The following SYNE2 variants were observed in gnomAD, a reference collection of about 807,000 sequenced individuals.
SYNE2 encodes nesprin-2.
In SYNE2, 431 loss-of-function variants were observed where a neutral mutation model predicts 856.3. The observed-to-expected ratio is 0.50, with a 90% CI of 0.47 to 0.55. The LOEUF (loss-of-function observed/expected upper bound fraction) is 0.55, where lower values mean the gene tolerates loss of function less well. Ranked by LOEUF, SYNE2 falls within the 20% of genes least tolerant of loss-of-function variation. SYNE2 has a pLI of 0.00. For synonymous variants in SYNE2, 2,923 were observed against 2,872.3 expected, an observed-to-expected ratio of 1.02 and a Z score of -0.56; for missense variants, 8,129 against 8,023.2, an observed-to-expected ratio of 1.01 and a Z score of -0.50.
chr14:63,833,123 C>A (rs1255756553), intron 1 of SYNE2, among the ~76,000 whole-genome samples: 1 of 151,862 alleles, frequency 6.6e-6, no homozygotes, highest in Non-Finnish European at 1.5e-5. Context: ...ACAGAAAGAT[C>A]CCTGGATCCC....
At chr14:64,117,914 C>A (rs556389351) in intron 66 of SYNE2, among the ~76,000 whole-genome samples, 1 of 152,236 alleles carries the variant, frequency 6.6e-6, no homozygotes, top group South Asian at 2.1e-4. Context: ...TTTTATCACG[C>A]TACTCAGGTG....
At chr14:63,990,310 GATT>G in intron 19 of SYNE2, 98 bp from the exon 20 acceptor site, 1 of 1,188,852 alleles carries the variant, frequency 8.4e-7, no homozygotes, top group Non-Finnish European at 1.2e-6. Context: ...CCTGATTTTG[GATT>G]AATAATGAAC....
Position 64,213,000 on chromosome 14 carries a change from A to C in SYNE2, c.19051A>C (p.Thr6351Pro), listed in dbSNP as rs376955691. Residue 6351 changes from threonine (T) to proline (P), a missense_variant, in exon 105 of 116, where the codon ACT (threonine) becomes CCT (proline). Coordinates refer to ENST00000555002, the MANE Select transcript of SYNE2 (RefSeq NM_182914.3). ...GTTCCACCGGCGGCTCACCTCCTGC[A>C]CTCCGGTACGGGCACTGCTGCCTAG... ...SRFHRRLTSC[T>P]PGLEDEKEAS... The C allele has an allele frequency of 6.2e-6, 10 of 1,613,090 alleles. No homozygotes were observed. Among genetic ancestry groups the C allele is most frequent in the Non-Finnish European group, 7.6e-6 (9 of 1,179,912 alleles).
At chr14:63,958,067 C>T (rs889724410) in intron 8 of SYNE2, among the ~76,000 whole-genome samples, 3 of 152,054 alleles carry the variant, frequency 2.0e-5, no homozygotes, top group Admixed American at 2.0e-4. Context: ...AAAGCCTTTT[C>T]AGTTTTAGAA....
chr14:64,086,591 A>G (rs986057724), intron 57 of SYNE2, among the ~76,000 whole-genome samples: 1 of 152,166 alleles, frequency 6.6e-6, no homozygotes, highest in African/African-American at 2.4e-5. Flanking sequence ...TTGGAAGAGA[A>G]TTAACATCTC....
At position 63,954,782 on chromosome 14, in the gene SYNE2, C is replaced by T. The variant is rs759694907; in HGVS notation, c.654C>T (p.Ala218=). 2 of 1,613,838 alleles carry T rather than the reference C, an allele frequency of 1.2e-6. No individual in the cohort carries two copies. Among genetic ancestry groups the T allele is most frequent in the African/African-American group, 1.3e-5 (1 of 74,878 alleles). Residue 218 remains alanine (A), a synonymous_variant, in exon 8 of 116, where the codon GCC becomes GCT. Transcript: ENST00000555002. The stretch of plus-strand genomic sequence containing the variant: ...GGAGAAATGGGATGGCTTTTTTGGC[C>T]ATCATTCATGCCTTGCGACCAGACC... The part of the protein sequence containing the change: ...SSWRNGMAFL[A]IIHALRPDLI...
Position 64,024,329 on chromosome 14 carries a change from C to G in SYNE2, c.5710C>G (p.His1904Asp). ...VDSVLKHVKK[H>D]LPKAHVKELI... ...CAGCGTACTGAAGCATGTGAAGAAGCATCTGCCCAAAGCACATGTGAAGGA... is the reference window on the plus strand; with the variant it reads ...CAGCGTACTGAAGCATGTGAAGAAGGATCTGCCCAAAGCACATGTGAAGGA... Residue 1904 changes from histidine to aspartate, a missense_variant, in exon 39 of 116, where the codon CAT becomes GAT. Coordinates refer to ENST00000555002, the MANE Select transcript of SYNE2 (RefSeq NM_182914.3). 2 of 1,614,150 alleles carry G rather than the reference C, an allele frequency of 1.2e-6. No individual in the cohort carries two copies. The highest frequency in any genetic ancestry group is 1.7e-5 in the Admixed American group (1 of 60,026).
In SYNE2 at chr14:64,213,016, T is replaced by C. The variant is rs760966877; in HGVS notation, c.19056+11T>C. On this transcript the variant is annotated intron_variant, in intron 105 of 115. Coordinates refer to ENST00000555002, the MANE Select transcript of SYNE2 (RefSeq NM_182914.3). ...ACCTCCTGCACTCCGGTACGGGCAC[T>C]GCTGCCTAGAAATGGCACCTGGGCT... 6.2e-7 allele frequency: 1 copy of C among 1,612,678 alleles called. No individual in the cohort carries two copies. Among genetic ancestry groups the C allele is most frequent in the South Asian group, 1.1e-5 (1 of 91,022 alleles).
intron 2 of SYNE2, among the ~76,000 whole-genome samples, chr14:63,935,662 C>T (rs1448540736): frequency 4.6e-5 from 7 of 152,138 alleles, no homozygotes; most frequent in Admixed American, 4.6e-4. Flanking sequence ...ACTGTGAACT[C>T]ATAAAGGTAG....
intron 2 of SYNE2, among the ~76,000 whole-genome samples, chr14:63,934,155 A>G (rs181786143): frequency 1.6e-4 from 25 of 152,324 alleles, no homozygotes; most frequent in African/African-American, 4.6e-4. Context: ...AGTTCGGACA[A>G]TGAGTTTAAA....
chr14:64,065,085 G>A (rs570482621), intron 50 of SYNE2, among the ~76,000 whole-genome samples: 6 of 152,002 alleles, frequency 3.9e-5, no homozygotes, highest in Middle Eastern at 6.8e-3. Flanking sequence ...GGATGGTCTC[G>A]ATCTCCTGAT....
At chr14:63,921,772 A>G (rs566342710) in intron 2 of SYNE2, among the ~76,000 whole-genome samples, 1 of 152,174 alleles carries the variant, frequency 6.6e-6, no homozygotes, top group Non-Finnish European at 1.5e-5. Flanking sequence ...CATGAGTGGT[A>G]GGTAAGGAAG....
chr14:63,934,545 C>T (rs1566839686), intron 2 of SYNE2, among the ~76,000 whole-genome samples: 1 of 151,342 alleles, frequency 6.6e-6, no homozygotes, highest in Non-Finnish European at 1.5e-5. Context: ...AATGAAATGA[C>T]CCCTCATCTT....
chr14:64,074,444 A>ATGT (rs1229299947), intron 53 of SYNE2, among the ~76,000 whole-genome samples: 2 of 152,150 alleles, frequency 1.3e-5, no homozygotes, highest in Non-Finnish European at 2.9e-5. Flanking sequence ...CTTAAGTAGT[A>ATGT]TGTTACATTA....
At chr14:64,022,724 A>C (rs374755337) in intron 37 of SYNE2, 27 bp from the exon 38 acceptor site, 2 of 1,199,698 alleles carry the variant, frequency 1.7e-6, no homozygotes, top group Non-Finnish European at 2.5e-6. Flanking sequence ...TCCTTGAATG[A>C]ATAGAGCTTT....
At chr14:63,832,779 AAC>A in intron 1 of SYNE2, among the ~76,000 whole-genome samples, 1 of 150,948 alleles carries the variant, frequency 6.6e-6, no homozygotes, top group East Asian at 2.0e-4. Flanking sequence ...CTGTAATCTC[AAC>A]ACTTTGGGAG....
intron 83 of SYNE2, among the ~76,000 whole-genome samples, chr14:64,144,815 C>A (rs563826530): frequency 6.6e-6 from 1 of 151,722 alleles, no homozygotes; most frequent in Admixed American, 6.6e-5. Flanking sequence ...ACAGAGTGTT[C>A]AATTCAGCAT....
intron 96 of SYNE2, among the ~76,000 whole-genome samples, chr14:64,183,048 T>C (rs957167546): frequency 1.4e-5 from 2 of 146,206 alleles, no homozygotes; most frequent in Non-Finnish European, 3.0e-5. Context: ...ACGGGGCGGC[T>C]GCTGGGCGGA....
intron 1 of SYNE2, among the ~76,000 whole-genome samples, chr14:63,893,943 G>A (rs1050175727): frequency 2.0e-5 from 3 of 152,174 alleles, no homozygotes; most frequent in African/African-American, 7.2e-5. Flanking sequence ...GCTTGGCTGG[G>A]ATGCAGGGCT....
Sources: allele counts gnomAD v4.1 joint callset (sites outside exome capture counted in the v4.1 genomes callset), GRCh38; gene constraint gnomAD v4.1.1; transcripts MANE v1.5; gene names NCBI Gene and HGNC (gene_info 2026-07-23, HGNC 2026-07-21).